PAX8: variants seen among roughly 807,000 people sequenced by gnomAD.
The protein encoded by PAX8 is paired box protein Pax-8.
Under a neutral mutation model 52.4 loss-of-function variants are expected in PAX8, and 15 were observed. The observed-to-expected ratio is 0.29, with a 90% confidence interval of 0.19 to 0.44. The LOEUF is 0.44. Among genes scored for constraint, PAX8 ranks in the 20% least tolerant of loss-of-function variants. PAX8 has a pLI of 1.00. For synonymous variants in PAX8, 284 were observed against 249.7 expected, an observed-to-expected ratio of 1.14 and a Z score of -1.29; for missense variants, 554 against 602.5, an observed-to-expected ratio of 0.92 and a Z score of 0.84.
At chr2:113,235,359 C>T in intron 9 of PAX8, 35 bp downstream of exon 9, 1 of 1,536,990 alleles carries the variant, frequency 6.5e-7, no homozygotes. Context: ...CACCCGCCGC[C>T]ATAGCTGCAT....
At chr2:113,257,207 G>A (rs1692327004) in intron 2 of PAX8, among the ~76,000 whole-genome samples, 1 of 152,122 alleles carries the variant, frequency 6.6e-6, no homozygotes, top group Non-Finnish European at 1.5e-5. Flanking sequence ...TGATAAAAGG[G>A]CAGGGTTCTG....
chr2:113,254,920 C>A (rs191353040), intron 2 of PAX8, among the ~76,000 whole-genome samples: 1 of 152,254 alleles, frequency 6.6e-6, no homozygotes, highest in African/African-American at 2.4e-5. Context: ...CTGGCTTTCC[C>A]TGCCTGCTCT....
chr2:113,235,159 C>T (rs1360628249), intron 9 of PAX8, among the ~76,000 whole-genome samples: 2 of 152,222 alleles, frequency 1.3e-5, no homozygotes, highest in African/African-American at 4.8e-5. Context: ...CCTGCTTTTC[C>T]ATGGGGTCTT....
In PAX8 at chr2:113,216,372, C is replaced by G. The variant is rs563204378; in HGVS notation, c.*2161G>C. 12 of 231,138 alleles carry G rather than the reference C, an allele frequency of 5.2e-5. No homozygotes were observed. The Middle Eastern group carries it at 5.2e-3, about 99-fold the overall frequency. The allele number at this position is 231,138 out of a possible 1,614,324, so 14.3% of individuals were successfully genotyped here. ...TGGGAGGCCTAAGGAGGTAAGAGCCCTCTCTCCCAGCCTCTGTCCTCCCAG... is the reference window on the plus strand; with the variant it reads ...TGGGAGGCCTAAGGAGGTAAGAGCCGTCTCTCCCAGCCTCTGTCCTCCCAG... On this transcript the variant is annotated 3_prime_UTR_variant, in exon 12 of 12. Coordinates refer to ENST00000429538, the MANE Select transcript of PAX8 (RefSeq NM_003466.4).
chr2:113,236,669 G>A lies in PAX8; in HGVS notation c.830C>T (p.Thr277Ile). ...CAGTGGCGTGTTGGAAGGGGTCAGG[G>A]TGGCCTTCCCGTCGTCCAGGGTGCT... ...LNSTLDDGKATLTPSNTPLGR... is the reference protein window; with the variant it reads ...LNSTLDDGKAILTPSNTPLGR... The change falls in exon 8 of 12, where the codon ACC becomes ATC. Residue 277 changes from threonine to isoleucine, a missense_variant. Transcript: ENST00000429538. The A allele has an allele frequency of 6.3e-7, 1 of 1,593,740 alleles. No homozygotes were observed. The highest frequency in any genetic ancestry group is 8.5e-7 in the Non-Finnish European group (1 of 1,170,504).
intron 6 of PAX8, 118 bp downstream of exon 6, chr2:113,241,890 G>A (rs182833096): frequency 1.4e-6 from 2 of 1,449,204 alleles, no homozygotes; most frequent in East Asian, 4.7e-5. Context: ...ACATGTGACA[G>A]TCACATGCAG....
rs767674493 is a variant in PAX8 at position 113,246,914 on chromosome 2, C to G, written c.31G>C (p.Gly11Arg). 1.2e-6 allele frequency: 2 copies of G among 1,613,456 alleles called. No homozygotes were observed. Among genetic ancestry groups the G allele is most frequent in the Admixed American group, 3.3e-5 (2 of 59,934 alleles). The part of the protein sequence containing the change: MPHNSIRSGH[G>R]GLNQLGGAFV... ...GCCCCTCCCAGCTGGTTCAGCCCTC[C>G]ATGGCCTAAGGAGACAATATTCCCA... The change falls in exon 3 of 12, where the codon GGA becomes CGA. Residue 11 changes from glycine (G) to arginine (R), a missense_variant. Physicochemically the swap from Gly to Arg is moderately radical, Grantham distance 125. Transcript: ENST00000429538.
At chr2:113,232,816 C>A (rs10206269) in intron 9 of PAX8, among the ~76,000 whole-genome samples, 53,051 of 151,750 alleles carry the variant, frequency 0.35, 9,433 homozygotes, top group South Asian at 0.44. Flanking sequence ...CCACTTCCAG[C>A]TGCCCTACAT....
chr2:113,273,131 A>T (rs758785192), intron 2 of PAX8: 4 of 152,278 alleles, frequency 2.6e-5, no homozygotes, highest in Non-Finnish European at 5.9e-5. Flanking sequence ...AGCAGCTTTA[A>T]AATGCTTAGA....
chr2:113,263,746 G>T (rs1336336964), intron 2 of PAX8, among the ~76,000 whole-genome samples: 1 of 152,130 alleles, frequency 6.6e-6, no homozygotes, highest in East Asian at 1.9e-4. Context: ...AGGCATGAGG[G>T]ACTCCACATG....
intron 2 of PAX8, chr2:113,276,402 G>T (rs1031835312): frequency 2.0e-5 from 3 of 152,178 alleles, no homozygotes; most frequent in African/African-American, 7.2e-5. Context: ...GTTTTGGAAA[G>T]AGGGTAGAAG....
chr2:113,247,459 G>A (rs761159780), intron 2 of PAX8, among the ~76,000 whole-genome samples: 1 of 152,232 alleles, frequency 6.6e-6, no homozygotes, highest in Non-Finnish European at 1.5e-5. Flanking sequence ...GGTAGAGCTT[G>A]GGCAGAGAAG....
intron 9 of PAX8, among the ~76,000 whole-genome samples, chr2:113,227,808 A>C (rs1312074343): frequency 6.6e-6 from 1 of 152,086 alleles, no homozygotes; most frequent in African/African-American, 2.4e-5. Context: ...CCACTATACC[A>C]TTTCCCCCTG....
At chr2:113,246,096 T>A (rs1691298355) in intron 3 of PAX8, among the ~76,000 whole-genome samples, 1 of 152,224 alleles carries the variant, frequency 6.6e-6, no homozygotes, top group Non-Finnish European at 1.5e-5. Context: ...AATCTTTGGG[T>A]CAGTGGTTCT....
chr2:113,236,680 G>T lies in PAX8; in HGVS notation c.819C>A (p.Asp273Glu). Residue 273 changes from aspartate to glutamate, a missense_variant, in exon 8 of 12, where the codon GAC (aspartate) becomes GAA (glutamate). Asp to Glu is a conservative substitution (Grantham distance 45). Coordinates refer to ENST00000429538, the MANE Select transcript of PAX8 (RefSeq NM_003466.4). ...PLPLLNSTLD[D>E]GKATLTPSNT... is the part of the protein sequence containing the mutation. The stretch of plus-strand genomic sequence containing the variant: ...TGGAAGGGGTCAGGGTGGCCTTCCC[G>T]TCGTCCAGGGTGCTGTTGAGCAAGG... The T allele has an allele frequency of 1.3e-6, 2 of 1,587,130 alleles. No homozygotes were observed. The highest frequency in any genetic ancestry group is 2.3e-5 in the South Asian group (2 of 86,728).
rs1218649490 is a variant in PAX8, at chr2:113,218,367, C to T, written c.*166G>A. The T allele has an allele frequency of 2.3e-5, 11 of 475,358 alleles. No individual in the cohort carries two copies. The allele number at this position is 475,358 out of a possible 1,614,324, so 29.4% of individuals were successfully genotyped here. On this transcript the variant is annotated 3_prime_UTR_variant, in exon 12 of 12. Coordinates refer to ENST00000429538, the MANE Select transcript of PAX8 (RefSeq NM_003466.4). Reference sequence around the variant, plus strand: ...CAGTTTGGCCTTGTCCAAGGTCATCCTGTCTTTCATGGTTCATTAAATTAA... The same window carrying T: ...CAGTTTGGCCTTGTCCAAGGTCATCTTGTCTTTCATGGTTCATTAAATTAA...
chr2:113,239,476 A>G (rs1486864344), intron 7 of PAX8: 2 of 152,308 alleles, frequency 1.3e-5, no homozygotes, highest in African/African-American at 2.4e-5. Flanking sequence ...GGGCATTCCT[A>G]TGCCCAGGTG....
At chr2:113,267,855 T>C (rs1693190304) in intron 2 of PAX8, 1 of 152,268 alleles carries the variant, frequency 6.6e-6, no homozygotes, top group African/African-American at 2.4e-5. Context: ...ATTGTATTCA[T>C]GTGTGCATGT....
chr2:113,241,280 A>G, intron 7 of PAX8: 1 of 572,822 alleles, frequency 1.7e-6, no homozygotes. Flanking sequence ...GCTGATGGCA[A>G]GGGATAGCAT....
Sources: allele counts gnomAD v4.1 joint callset (sites outside exome capture counted in the v4.1 genomes callset), GRCh38; gene constraint gnomAD v4.1.1; transcripts MANE v1.5; gene names NCBI Gene and HGNC (gene_info 2026-07-23, HGNC 2026-07-21).